Variants in COBL observed in about 807,000 individuals in gnomAD.
COBL encodes protein cordon-bleu.
A neutral mutation model predicts 98.8 loss-of-function variants in COBL; 51 were observed. That is an observed-to-expected ratio of 0.52 (90% CI 0.41 to 0.65). The LOEUF is 0.65. Ranked by LOEUF, COBL falls within the 30% of genes least tolerant of loss-of-function variation. COBL has a pLI of 0.00. For synonymous variants in COBL, 634 were observed against 651.7 expected, an observed-to-expected ratio of 0.97 and a Z score of 0.41; for missense variants, 1,617 against 1,617.5, an observed-to-expected ratio of 1.00 and a Z score of 0.01.
intron 6 of COBL, among the ~76,000 whole-genome samples, chr7:51,106,200 CAAAAAAA>C (rs61220710): frequency 3.9e-5 from 4 of 102,844 alleles, no homozygotes; most frequent in Non-Finnish European, 5.9e-5. Flanking sequence ...CGAGATGTCT[CAAAAAAA>C]AAAAAAAAAA....
intron 8 of COBL, 75 bp downstream of exon 8, chr7:51,043,308 C>T: frequency 1.4e-6 from 2 of 1,445,484 alleles, no homozygotes; most frequent in African/African-American, 2.8e-5. Context: ...TGTTGGATCC[C>T]ATGACAAAAG....
At chr7:51,271,174 T>C (rs115569616) in intron 1 of COBL, among the ~76,000 whole-genome samples, 1 of 152,310 alleles carries the variant, frequency 6.6e-6, no homozygotes, top group East Asian at 1.9e-4. Flanking sequence ...CTCCATATAA[T>C]GGCAGGGTTG....
chr7:51,275,354 C>A (rs969462893), intron 1 of COBL, among the ~76,000 whole-genome samples: 4 of 152,312 alleles, frequency 2.6e-5, no homozygotes, highest in African/African-American at 9.6e-5. Context: ...GCCAGTAATG[C>A]TGTGCGAAAT....
chr7:51,187,975 A>G (rs930698801), intron 4 of COBL: 1 of 1,232,380 alleles, frequency 8.1e-7, no homozygotes. Flanking sequence ...AAGGCAGGCA[A>G]TGAGAGAGTG....
At chr7:51,230,509 T>G (rs1456775632) in intron 1 of COBL, among the ~76,000 whole-genome samples, 1 of 152,102 alleles carries the variant, frequency 6.6e-6, no homozygotes, top group Non-Finnish European at 1.5e-5. Flanking sequence ...GACTTCCTGC[T>G]GGCCCCTTCC....
chr7:51,288,182 C>T (rs1584411203), intron 1 of COBL, among the ~76,000 whole-genome samples: 1 of 152,052 alleles, frequency 6.6e-6, no homozygotes, highest in Non-Finnish European at 1.5e-5. Context: ...GTCTGTAATC[C>T]CAGCACTTTG....
intron 1 of COBL, among the ~76,000 whole-genome samples, chr7:51,303,846 G>A (rs1032024420): frequency 2.0e-5 from 3 of 152,150 alleles, no homozygotes; most frequent in Admixed American, 2.0e-4. Context: ...ATTTTTAAAG[G>A]TGGTCACCCA....
chr7:51,026,214 G>C (rs566506786), intron 11 of COBL, among the ~76,000 whole-genome samples: 1 of 152,318 alleles, frequency 6.6e-6, no homozygotes, highest in South Asian at 2.1e-4. Context: ...TTCAGTTCTG[G>C]TTGTCCAGTT....
At chr7:51,218,260 G>T (rs1261291282) in intron 2 of COBL, among the ~76,000 whole-genome samples, 1 of 152,186 alleles carries the variant, frequency 6.6e-6, no homozygotes, top group East Asian at 1.9e-4. Context: ...CTGGAATTTT[G>T]ATTATAAACT....
chr7:51,288,810 TGAATTC>T (rs1800626957), intron 1 of COBL, among the ~76,000 whole-genome samples: 2 of 120,260 alleles, frequency 1.7e-5, no homozygotes, highest in Admixed American at 1.9e-4. Context: ...AAATAAGAAC[TGAATTC>T]AAATACTAGT....
At chr7:51,172,759 T>C (rs1012981127) in intron 5 of COBL, among the ~76,000 whole-genome samples, 4 of 152,166 alleles carry the variant, frequency 2.6e-5, no homozygotes, top group African/African-American at 9.7e-5. Context: ...GGAATGAGTT[T>C]TCTTTCTTTC....
Position 51,316,759 on chromosome 7 carries a change from G to A in COBL, c.-126C>T, listed in dbSNP as rs1193024494. On this transcript the variant is annotated 5_prime_UTR_variant, in exon 1 of 13. Coordinates refer to ENST00000265136, the MANE Select transcript of COBL (RefSeq NM_015198.5). ...ACCCATCGTCCTCCCACGCGGGCCG[G>A]CGGAGGACAGCGGCGGAGCGCGGCG... 7 of 725,468 alleles carry A rather than the reference G, an allele frequency of 9.6e-6. No homozygotes were observed. In the East Asian group the frequency reaches 1.2e-4, roughly 12 times the overall value. 44.9% of individuals were successfully genotyped at this position (725,468 alleles called of 1,614,324 possible). A position where few individuals can be genotyped will look rare whatever the true frequency, so the allele number is the denominator to read the frequency against.
chr7:51,185,747 G>A (rs1337047707), intron 4 of COBL, among the ~76,000 whole-genome samples: 1 of 152,190 alleles, frequency 6.6e-6, no homozygotes, highest in Non-Finnish European at 1.5e-5. Context: ...ATGCAAACAA[G>A]GTAACCCTCA....
intron 7 of COBL, among the ~76,000 whole-genome samples, chr7:51,049,458 T>C (rs916104651): frequency 3.3e-5 from 5 of 151,776 alleles, no homozygotes; most frequent in Non-Finnish European, 7.4e-5. Flanking sequence ...TGTGGAGGTA[T>C]AACATTTGGA....
intron 1 of COBL, chr7:51,259,572 T>A: frequency 1.4e-6 from 1 of 735,966 alleles, no homozygotes; most frequent in South Asian, 1.4e-5. Context: ...TGAGATCTCC[T>A]GGAAATGCTT....
chr7:51,292,569 C>T (rs1463960500), intron 1 of COBL, among the ~76,000 whole-genome samples: 1 of 152,256 alleles, frequency 6.6e-6, no homozygotes, highest in African/African-American at 2.4e-5. Context: ...ACGCAAAAGG[C>T]ATTCTTGTGC....
intron 5 of COBL, among the ~76,000 whole-genome samples, chr7:51,174,721 C>A (rs1478649827): frequency 1.3e-5 from 2 of 152,154 alleles, no homozygotes; most frequent in African/African-American, 4.8e-5. Flanking sequence ...AGTGACAATT[C>A]CTGTGGAACA....
At chr7:51,122,637 G>A (rs777367790) in intron 6 of COBL, among the ~76,000 whole-genome samples, 5 of 152,114 alleles carry the variant, frequency 3.3e-5, no homozygotes, top group Non-Finnish European at 7.4e-5. Context: ...TGCTAGTTTT[G>A]TTAATTTACT....
In COBL at chr7:51,231,796, G is replaced by C. The variant is rs572966272; in HGVS notation, c.42-11852C>G. Among the ~76,000 whole-genome samples, 4 of 152,146 alleles carry C rather than the reference G, an allele frequency of 2.6e-5. No individual in the cohort carries two copies. In the East Asian group the frequency reaches 7.7e-4, roughly 29 times the overall value. On this transcript the variant is annotated intron_variant, in intron 1 of 12. Coordinates refer to ENST00000265136, the MANE Select transcript of COBL (RefSeq NM_015198.5). ...CTGAGGGTGGGACCCCCACACACCC[G>C]CAGATAAACGCCACAAGAGCATGTG...
Sources: gnomAD v4.1 joint callset for allele counts (sites outside exome capture counted in the v4.1 genomes callset) on GRCh38, gnomAD v4.1.1 for gene constraint, MANE v1.5 for transcripts, NCBI Gene and HGNC (gene_info 2026-07-23, HGNC 2026-07-21) for gene names.